The following PDXDC1 variants were observed in gnomAD, a reference collection of about 807,000 sequenced individuals.
PDXDC1 encodes pyridoxal-dependent decarboxylase domain-containing protein 1.
A neutral mutation model predicts 100.1 loss-of-function variants in PDXDC1; 42 were observed. That is an observed-to-expected ratio of 0.42 (90% CI 0.33 to 0.54). PDXDC1 has a LOEUF of 0.54. PDXDC1 is among the 20% of genes least tolerant of loss of function. The pLI is 0.10. For synonymous variants in PDXDC1, 260 were observed against 371.7 expected (o/e 0.70, Z 3.46); for missense variants, 636 against 979.2 (o/e 0.65, Z 4.68).
intron 1 of PDXDC1, among the ~76,000 whole-genome samples, chr16:14,985,878 C>T (rs1969248109): frequency 6.6e-6 from 1 of 151,860 alleles, no homozygotes; most frequent in South Asian, 2.1e-4. Context: ...AGGAGGATTG[C>T]TCGTGAAGCC....
intron 1 of PDXDC1, among the ~76,000 whole-genome samples, chr16:14,984,486 T>G (rs1437690053): frequency 1.1e-5 from 1 of 92,046 alleles, no homozygotes; most frequent in Non-Finnish European, 2.3e-5. Context: ...CATATATATA[T>G]ATATATATAT....
intron 17 of PDXDC1, chr16:15,032,370 A>G (rs1033274204): frequency 4.1e-5 from 7 of 170,830 alleles, no homozygotes; most frequent in Non-Finnish European, 8.8e-5. Flanking sequence ...TTAGGCTTTC[A>G]GCTGGGCACG....
At chr16:15,141,273 A>G (rs1469139384), downstream of PDXDC1, among the ~76,000 whole-genome samples, 1 of 152,226 alleles carries the variant, frequency 6.6e-6, no homozygotes, top group Non-Finnish European at 1.5e-5. Context: ...GGCCAGGGCA[A>G]GGGCTTGAAA....
chr16:15,143,225 C>A (rs2048502399), downstream of PDXDC1, among the ~76,000 whole-genome samples: 1 of 152,118 alleles, frequency 6.6e-6, no homozygotes, highest in Non-Finnish European at 1.5e-5. Context: ...TGCTGGGGCA[C>A]CACTGGGTGG....
At chr16:15,131,475 G>A (rs1265041903) in intron 16 of PDXDC1, 18 of 1,606,800 alleles carry the variant, frequency 1.1e-5, no homozygotes, top group African/African-American at 2.7e-5. Flanking sequence ...GCCCTGGGGC[G>A]CCGCCATAGC....
intron 3 of PDXDC1, among the ~76,000 whole-genome samples, chr16:15,000,459 C>T (rs908148015): frequency 6.6e-6 from 1 of 152,282 alleles, no homozygotes; most frequent in African/African-American, 2.4e-5. Context: ...CAGAGCCCCT[C>T]TCACTTGAAG....
chr16:15,101,545 C>T (rs1163084068), intron 16 of PDXDC1, among the ~76,000 whole-genome samples: 1 of 151,340 alleles, frequency 6.6e-6, no homozygotes. Flanking sequence ...ACCATGGTCT[C>T]TACTAAACCC....
intron 16 of PDXDC1, chr16:15,061,561 A>G (rs2044710389): frequency 4.0e-6 from 2 of 495,128 alleles, no homozygotes; most frequent in Non-Finnish European, 7.2e-6. Flanking sequence ...TAAGGGGAAC[A>G]ACAACAACAA....
intron 16 of PDXDC1, among the ~76,000 whole-genome samples, chr16:15,090,070 C>G (rs1449523809): frequency 6.7e-6 from 1 of 150,060 alleles, no homozygotes; most frequent in Non-Finnish European, 1.5e-5. Flanking sequence ...ATTAACCAGG[C>G]ATGGTGGCGG....
chr16:15,141,373 C>A (rs556577495), downstream of PDXDC1, among the ~76,000 whole-genome samples: 1 of 152,354 alleles, frequency 6.6e-6, no homozygotes, highest in South Asian at 2.1e-4. Flanking sequence ...GCAGCCCCAG[C>A]CACGGACGGT....
chr16:14,997,087 A>C (rs1459506300), intron 1 of PDXDC1, among the ~76,000 whole-genome samples: 1 of 152,210 alleles, frequency 6.6e-6, no homozygotes, highest in African/African-American at 2.4e-5. Context: ...GGAAGGTGGT[A>C]CCAAGTGAAG....
intron 22 of PDXDC1, among the ~76,000 whole-genome samples, 161 bp downstream of exon 22, chr16:15,035,714 A>G (rs543177656): frequency 9.2e-5 from 14 of 152,336 alleles, no homozygotes; most frequent in Admixed American, 7.8e-4. Flanking sequence ...TCAGCCTTGA[A>G]GAAATCCCAC....
At chr16:15,104,289 G>A (rs2046680476) in intron 16 of PDXDC1, 4 of 1,450,734 alleles carry the variant, frequency 2.8e-6, no homozygotes, top group Admixed American at 4.4e-5. Context: ...TTGAAACAAA[G>A]CAATAACATA....
At chr16:15,127,748 TGAG>T (rs1424954734) in intron 16 of PDXDC1, 79 of 1,546,012 alleles carry the variant, frequency 5.1e-5, no homozygotes, top group East Asian at 7.3e-5. Flanking sequence ...AAGAGGCAGA[TGAG>T]GAGAACGCAG....
At chr16:15,018,715 A>G (rs2041970413) in intron 11 of PDXDC1, 125 bp from the exon 12 acceptor site, 1 of 778,818 alleles carries the variant, frequency 1.3e-6, no homozygotes, top group African/African-American at 1.8e-5. Flanking sequence ...GATCACATGG[A>G]TAATGCAAGC....
intron 14 of PDXDC1, among the ~76,000 whole-genome samples, chr16:15,027,341 G>A (rs1252397789): frequency 1.3e-5 from 2 of 152,398 alleles, no homozygotes; most frequent in Non-Finnish European, 2.9e-5. Flanking sequence ...CGACCCCATG[G>A]CAGCATCTGG....
chr16:15,063,669 C>T (rs1350032499), intron 16 of PDXDC1, among the ~76,000 whole-genome samples: 1 of 136,308 alleles, frequency 7.3e-6, no homozygotes. Context: ...CGCGCCACTG[C>T]ACTCCAGCCT....
chr16:15,017,956 G>A (rs1265845158), intron 11 of PDXDC1, among the ~76,000 whole-genome samples: 4 of 152,310 alleles, frequency 2.6e-5, no homozygotes, highest in Middle Eastern at 3.4e-3. Flanking sequence ...CACCACGCCC[G>A]GCTTATTTTG....
intron 16 of PDXDC1, among the ~76,000 whole-genome samples, chr16:15,112,549 ATT>A (rs1265068688): frequency 1.3e-5 from 2 of 150,796 alleles, no homozygotes; most frequent in Non-Finnish European, 3.0e-5. Context: ...TCTTTGTAGA[ATT>A]TGTTTTTTCC....
Sources: allele counts gnomAD v4.1 joint callset (sites outside exome capture counted in the v4.1 genomes callset), GRCh38; gene constraint gnomAD v4.1.1; transcripts MANE v1.5; gene names NCBI Gene and HGNC (gene_info 2026-07-23, HGNC 2026-07-21).